Variants in MMS22L observed in about 807,000 individuals in gnomAD.
MMS22L encodes the protein protein MMS22-like.
MMS22L carries 74 observed loss-of-function variants against 159.1 expected under a neutral mutation model. The observed-to-expected ratio is 0.47, with a 90% confidence interval of 0.39 to 0.56. The LOEUF (loss-of-function observed/expected upper bound fraction) is 0.56. Among genes scored for constraint, MMS22L ranks in the 20% least tolerant of loss-of-function variants. MMS22L has a pLI of 0.00. For synonymous variants in MMS22L, 517 were observed against 506.9 expected (o/e 1.02, Z -0.27); for missense variants, 1,351 against 1,422.1 (o/e 0.95, Z 0.80).
At chr6:97,250,794 G>C (rs1480035692) in intron 10 of MMS22L, among the ~76,000 whole-genome samples, 1 of 152,024 alleles carries the variant, frequency 6.6e-6, no homozygotes, top group East Asian at 1.9e-4. Flanking sequence ...TTTAAAAACT[G>C]AAACATCGCC....
intron 4 of MMS22L, among the ~76,000 whole-genome samples, chr6:97,278,001 T>C (rs575774087): frequency 1.3e-5 from 2 of 152,174 alleles, no homozygotes; most frequent in East Asian, 3.9e-4. Context: ...TTAGCTAGGG[T>C]TGGAAGCCAG....
At chr6:97,200,223 T>C (rs1429092580) in intron 14 of MMS22L, among the ~76,000 whole-genome samples, 3 of 152,252 alleles carry the variant, frequency 2.0e-5, no homozygotes, top group African/African-American at 4.8e-5. Context: ...ATATCATATT[T>C]AGCAGTAAAT....
chr6:97,201,796 C>T (rs960276114), intron 14 of MMS22L, among the ~76,000 whole-genome samples: 4 of 152,134 alleles, frequency 2.6e-5, no homozygotes, highest in Non-Finnish European at 5.9e-5. Context: ...AAATTTATTA[C>T]TCTATGAGTG....
intron 22 of MMS22L, among the ~76,000 whole-genome samples, chr6:97,153,956 T>C (rs1025082619): frequency 2.0e-5 from 3 of 152,314 alleles, no homozygotes; most frequent in African/African-American, 4.8e-5. Flanking sequence ...TATTTGTTCA[T>C]TTCTCTTAAA....
At chr6:97,173,268 A>G (rs1803749953) in intron 18 of MMS22L, 46 bp from the exon 19 acceptor site, 1 of 1,563,094 alleles carries the variant, frequency 6.4e-7, no homozygotes, top group East Asian at 2.2e-5. Context: ...AGTTTATACC[A>G]TAAAGATTTG....
At chr6:97,231,297 T>G in intron 13 of MMS22L, 129 bp downstream of exon 13, 2 of 659,320 alleles carry the variant, frequency 3.0e-6, no homozygotes, top group South Asian at 4.0e-5. Context: ...ATCAAATGCA[T>G]ATAATGGATT....
intron 3 of MMS22L, among the ~76,000 whole-genome samples, chr6:97,280,848 T>C (rs568723435): frequency 6.6e-6 from 1 of 152,310 alleles, no homozygotes; most frequent in African/African-American, 2.4e-5. Flanking sequence ...ATTAAAAAAA[T>C]TTTAAATGTT....
chr6:97,231,781 C>A, intron 12 of MMS22L, 129 bp from the exon 13 acceptor site: 1 of 660,202 alleles, frequency 1.5e-6, no homozygotes, highest in Non-Finnish European at 2.6e-6. Flanking sequence ...ACTACATGAA[C>A]ACGATTCTCT....
intron 22 of MMS22L, 94 bp from the exon 23 acceptor site, chr6:97,151,961 G>T: frequency 2.1e-6 from 2 of 933,812 alleles, no homozygotes; most frequent in Non-Finnish European, 3.3e-6. Context: ...AAAATATGTT[G>T]TTTTCTTAAA....
intron 14 of MMS22L, among the ~76,000 whole-genome samples, chr6:97,223,856 A>AT (rs1809925578): frequency 6.6e-6 from 1 of 152,192 alleles, no homozygotes; most frequent in Non-Finnish European, 1.5e-5. Context: ...GCAAATTACT[A>AT]AAGTATGTTA....
chr6:97,263,110 G>C (rs1356017773), intron 9 of MMS22L, among the ~76,000 whole-genome samples: 1 of 152,020 alleles, frequency 6.6e-6, no homozygotes, highest in Admixed American at 6.6e-5. Flanking sequence ...AAAAGTAAGG[G>C]TTGAACCTTG....
chr6:97,224,814 G>T (rs1372243295), intron 14 of MMS22L, among the ~76,000 whole-genome samples: 1 of 151,428 alleles, frequency 6.6e-6, no homozygotes, highest in East Asian at 1.9e-4. Context: ...AAGCCATTCA[G>T]GTGATGGTTA....
chr6:97,214,169 A>G (rs1311473854), intron 14 of MMS22L, among the ~76,000 whole-genome samples: 1 of 152,240 alleles, frequency 6.6e-6, no homozygotes, highest in African/African-American at 2.4e-5. Flanking sequence ...CACTGCTGTG[A>G]ATGGTACCCT....
At position 97,173,191 on chromosome 6, in the gene MMS22L, G is replaced by A. The variant is rs1412065925; in HGVS notation, c.2711C>T (p.Thr904Ile). ...GACCATGGCAGATTTATCAGAAAGTGTCTGGACGTTCCCGTAAGTTACACC... is the reference window on the plus strand; with the variant it reads ...GACCATGGCAGATTTATCAGAAAGTATCTGGACGTTCCCGTAAGTTACACC... ...AVGVTYGNVQ[T>I]LSDKSAMVTK... Residue 904 changes from threonine to isoleucine, a missense_variant, in exon 19 of 25, where the codon ACA (threonine) becomes ATA (isoleucine). Coordinates refer to ENST00000683635, the MANE Select transcript of MMS22L (RefSeq NM_001350599.2). 1 of 1,613,436 alleles carries A rather than the reference G, an allele frequency of 6.2e-7. No individual in the cohort carries two copies. Among genetic ancestry groups the A allele is most frequent in the African/African-American group, 1.3e-5 (1 of 74,884 alleles).
rs1491586958 is a variant in MMS22L, at chr6:97,231,663, GGA to G, written c.1303-13_1303-12del. ...ACTGAAGGAACTATTCTAAAAGGGG[GGA>G]AAAAAAAGATAGAAAACAATTATTA... On this transcript the variant is annotated splice_polypyrimidine_tract_variant and intron_variant, in intron 12 of 24. Transcript: ENST00000683635. 2.7e-6 allele frequency: 4 copies of G among 1,490,644 alleles called. No individual in the cohort carries two copies. Among genetic ancestry groups the G allele is most frequent in the Non-Finnish European group, 2.7e-6 (3 of 1,100,466 alleles). 92.3% of individuals were successfully genotyped at this position (1,490,644 alleles called of 1,614,324 possible). A position where few individuals can be genotyped will look rare whatever the true frequency, so the allele number is the denominator to read the frequency against.
Position 97,231,599 on chromosome 6 carries a change from C to G in MMS22L, c.1356G>C (p.Met452Ile), listed in dbSNP as rs1810873194. Reference protein sequence around the residue: ...WLPFKGLANTMKSPLSMLEMV... With the variant: ...WLPFKGLANTIKSPLSMLEMV... ...TTTCAAGCATAGACAAGGGTGACTT[C>G]ATGGTATTAGCAAGGCCTTTAAAAG... is the stretch of plus-strand genomic sequence containing the variant. The change falls in exon 13 of 25, where the codon ATG (methionine) becomes ATC (isoleucine). Residue 452 changes from methionine (M) to isoleucine (I), a missense_variant. By Grantham distance (10) the Met-to-Ile change is conservative. Transcript: ENST00000683635. 1 of 1,613,756 alleles carries G rather than the reference C, an allele frequency of 6.2e-7. No homozygotes were observed. The highest frequency in any genetic ancestry group is 1.7e-5 in the Admixed American group (1 of 59,994).
intron 3 of MMS22L, among the ~76,000 whole-genome samples, chr6:97,279,414 C>G (rs1816544431): frequency 1.3e-5 from 2 of 151,990 alleles, no homozygotes; most frequent in Admixed American, 1.3e-4. Context: ...AACCCAGGAG[C>G]TGGAGCTTGC....
intron 4 of MMS22L, among the ~76,000 whole-genome samples, chr6:97,274,077 T>A (rs1052836246): frequency 1.3e-5 from 2 of 152,210 alleles, no homozygotes; most frequent in African/African-American, 4.8e-5. Context: ...ATATCAGCAA[T>A]AATTATCTAG....
chr6:97,169,628 TAATC>T (rs1240457489), intron 19 of MMS22L, among the ~76,000 whole-genome samples: 3 of 152,134 alleles, frequency 2.0e-5, no homozygotes, highest in Non-Finnish European at 2.9e-5. Context: ...GGAAGTACAA[TAATC>T]AATCATAAAG....
Sources: allele counts gnomAD v4.1 joint callset (sites outside exome capture counted in the v4.1 genomes callset), GRCh38; gene constraint gnomAD v4.1.1; transcripts MANE v1.5; gene names NCBI Gene and HGNC (gene_info 2026-07-23, HGNC 2026-07-21).